Variants in BRINP3 observed in about 807,000 individuals in gnomAD.
BRINP3 encodes BMP/retinoic acid-inducible neural-specific protein 3.
Under a neutral mutation model 71.0 loss-of-function variants are expected in BRINP3, and 19 were observed. The observed-to-expected ratio is 0.27, with a 90% CI of 0.19 to 0.39. The LOEUF (loss-of-function observed/expected upper bound fraction) is 0.39, where lower values mean the gene tolerates loss of function less well. BRINP3 is among the 10% of genes least tolerant of loss of function. The pLI is 1.00. For missense variants in BRINP3, 959 were observed against 940.8 expected (o/e 1.02, Z -0.25); for synonymous variants, 380 against 337.7 (o/e 1.13, Z -1.37).
At chr1:190,249,825 A>T (rs1215655885) in intron 4 of BRINP3, among the ~76,000 whole-genome samples, 1 of 151,960 alleles carries the variant, frequency 6.6e-6, no homozygotes, top group Non-Finnish European at 1.5e-5. Flanking sequence ...TATATATTAT[A>T]TAGTCAACAG....
chr1:190,410,656 A>G (rs938173497), intron 2 of BRINP3, among the ~76,000 whole-genome samples: 13 of 152,112 alleles, frequency 8.5e-5, no homozygotes, highest in Admixed American at 1.3e-4. Context: ...AGAAGACTAA[A>G]TCGTTTTAGA....
chr1:190,141,956 T>C (rs988417701), intron 7 of BRINP3, among the ~76,000 whole-genome samples: 2 of 151,998 alleles, frequency 1.3e-5, no homozygotes, highest in African/African-American at 2.4e-5. Flanking sequence ...ATATCGATTA[T>C]GAAAAATATG....
Position 190,301,214 on chromosome 1 carries a change from T to TACACACATAC in BRINP3, c.237-19465_237-19464insGTATGTGTGT, listed in dbSNP as rs1264756341. On this transcript the variant is annotated intron_variant, in intron 2 of 7. Coordinates refer to ENST00000367462, the MANE Select transcript of BRINP3 (RefSeq NM_199051.3). ...ATATATATACACATACATATATATA[T>TACACACATAC]ATATATATATATATATATATACACA... 3.9e-3 allele frequency among the ~76,000 whole-genome samples: 258 copies of TACACACATAC among 66,994 alleles called. 2 individuals are homozygous for TACACACATAC. Among genetic ancestry groups the TACACACATAC allele is most frequent in the Admixed American group, 6.1e-3 (34 of 5,604 alleles). 44.0% of individuals were successfully genotyped at this position (66,994 alleles called of 152,430 possible). A position where few individuals can be genotyped will look rare whatever the true frequency, so the allele number is the denominator to read the frequency against.
intron 7 of BRINP3, among the ~76,000 whole-genome samples, chr1:190,099,528 T>A (rs1433750205): frequency 2.0e-5 from 3 of 152,224 alleles, no homozygotes; most frequent in African/African-American, 7.2e-5. Flanking sequence ...TAAGTGATTT[T>A]ATCATAAAAT....
chr1:190,430,962 T>G (rs1674059750), intron 2 of BRINP3, among the ~76,000 whole-genome samples: 1 of 152,128 alleles, frequency 6.6e-6, no homozygotes, highest in South Asian at 2.1e-4. Context: ...AAAGTGTTTT[T>G]TTTTTACTCA....
At chr1:190,169,105 A>T (rs1486788027) in intron 6 of BRINP3, among the ~76,000 whole-genome samples, 1 of 152,150 alleles carries the variant, frequency 6.6e-6, no homozygotes, top group Admixed American at 6.6e-5. Flanking sequence ...TGAAATATGT[A>T]AAAAAACACG....
At chr1:190,423,668 T>C (rs1673522484) in intron 2 of BRINP3, among the ~76,000 whole-genome samples, 1 of 151,808 alleles carries the variant, frequency 6.6e-6, no homozygotes, top group African/African-American at 2.4e-5. Flanking sequence ...AAGAATGAAC[T>C]ATTTATTCAA....
At chr1:190,334,937 A>G (rs562702713) in intron 2 of BRINP3, among the ~76,000 whole-genome samples, 15 of 151,954 alleles carry the variant, frequency 9.9e-5, no homozygotes, top group African/African-American at 3.4e-4. Flanking sequence ...ACACAAATAT[A>G]ATCTAGAAAG....
chr1:190,359,688 T>C (rs903787232), intron 2 of BRINP3, among the ~76,000 whole-genome samples: 3 of 152,120 alleles, frequency 2.0e-5, no homozygotes, highest in African/African-American at 7.2e-5. Context: ...CTGTCATACA[T>C]TGAAGCTGGG....
At chr1:190,374,970 A>T (rs1425601840) in intron 2 of BRINP3, among the ~76,000 whole-genome samples, 1 of 152,024 alleles carries the variant, frequency 6.6e-6, no homozygotes, top group Non-Finnish European at 1.5e-5. Flanking sequence ...TCAATAATTT[A>T]AAAAATGGGT....
chr1:190,123,672 G>A (rs1480810552), intron 7 of BRINP3, among the ~76,000 whole-genome samples: 2 of 152,050 alleles, frequency 1.3e-5, no homozygotes, highest in Non-Finnish European at 2.9e-5. Flanking sequence ...AATATTGATT[G>A]TTTTCTAAAT....
chr1:190,226,469 T>G, intron 5 of BRINP3, 151 bp from the exon 6 acceptor site: 1 of 471,678 alleles, frequency 2.1e-6, no homozygotes, highest in Non-Finnish European at 3.7e-6. Flanking sequence ...TATCTAAGTC[T>G]ATATGCTGCA....
intron 2 of BRINP3, among the ~76,000 whole-genome samples, chr1:190,290,093 C>A (rs557357839): frequency 1.1e-3 from 162 of 152,100 alleles, no homozygotes; most frequent in Admixed American, 1.8e-3. Context: ...AGTATACACC[C>A]TGACTAAAGT....
intron 1 of BRINP3, among the ~76,000 whole-genome samples, chr1:190,473,453 A>G (rs977315592): frequency 6.6e-6 from 1 of 151,940 alleles, no homozygotes; most frequent in Non-Finnish European, 1.5e-5. Flanking sequence ...ATTTCCAGAG[A>G]TAATTTAAAT....
At chr1:190,204,576 C>G (rs1223386197) in intron 6 of BRINP3, among the ~76,000 whole-genome samples, 3 of 151,834 alleles carry the variant, frequency 2.0e-5, no homozygotes, top group Non-Finnish European at 4.4e-5. Context: ...AATTGAATGT[C>G]CTGCCTTCAG....
At chr1:190,121,634 C>T (rs1053392097) in intron 7 of BRINP3, among the ~76,000 whole-genome samples, 1 of 152,012 alleles carries the variant, frequency 6.6e-6, no homozygotes, top group Admixed American at 6.6e-5. Flanking sequence ...ATATGGAAAC[C>T]TTGCATAAGC....
intron 2 of BRINP3, among the ~76,000 whole-genome samples, chr1:190,352,969 T>A (rs1668494431): frequency 6.6e-6 from 1 of 151,734 alleles, no homozygotes; most frequent in Admixed American, 6.6e-5. Context: ...ACAGAGCTTC[T>A]ACCAGACACA....
chr1:190,422,088 G>A (rs923290977), intron 2 of BRINP3, among the ~76,000 whole-genome samples: 4 of 151,578 alleles, frequency 2.6e-5, no homozygotes, highest in Middle Eastern at 3.2e-3. Flanking sequence ...CTTAATAATT[G>A]ACCTGAGGAT....
chr1:190,210,071 CAA>C (rs765674292), intron 6 of BRINP3, among the ~76,000 whole-genome samples: 5 of 151,982 alleles, frequency 3.3e-5, no homozygotes. Flanking sequence ...AGGATTTTAA[CAA>C]AGTCTATGTG....
Sources: gnomAD v4.1 joint callset for allele counts (sites outside exome capture counted in the v4.1 genomes callset) on GRCh38, gnomAD v4.1.1 for gene constraint, MANE v1.5 for transcripts, NCBI Gene and HGNC (gene_info 2026-07-23, HGNC 2026-07-21) for gene names.